AFF3: variants seen among roughly 807,000 people sequenced by gnomAD.
The protein encoded by AFF3 is AF4/FMR2 family member 3.
AFF3 carries 32 observed loss-of-function variants against 129.7 expected under a neutral mutation model. The observed-to-expected ratio is 0.25, with a 90% CI of 0.19 to 0.33. AFF3 has a LOEUF of 0.33. Among genes scored for constraint, AFF3 ranks in the 10% least tolerant of loss-of-function variants. The pLI is 1.00. For missense variants in AFF3, 1,373 were observed against 1,592.0 expected (o/e 0.86, Z 2.34); for synonymous variants, 644 against 635.4 (o/e 1.01, Z -0.20).
chr2:99,558,568 C>T (rs1208910041), intron 22 of AFF3, among the ~76,000 whole-genome samples: 3 of 151,920 alleles, frequency 2.0e-5, no homozygotes, highest in East Asian at 1.9e-4. Flanking sequence ...TGCAGTGAGC[C>T]GAGATCGCAC....
chr2:100,058,822 T>G (rs1297167777), intron 4 of AFF3, among the ~76,000 whole-genome samples: 1 of 152,148 alleles, frequency 6.6e-6, no homozygotes, highest in Non-Finnish European at 1.5e-5. Flanking sequence ...ATTAAAACCA[T>G]TATCAAGAAA....
At chr2:99,727,725 C>T (rs1679476354) in intron 10 of AFF3, among the ~76,000 whole-genome samples, 1 of 152,052 alleles carries the variant, frequency 6.6e-6, no homozygotes, top group African/African-American at 2.4e-5. Flanking sequence ...CCACACCTGG[C>T]TGATTTTTAT....
At chr2:99,614,859 T>C (rs375021002) in intron 13 of AFF3, among the ~76,000 whole-genome samples, 1 of 152,212 alleles carries the variant, frequency 6.6e-6, no homozygotes, top group African/African-American at 2.4e-5. Flanking sequence ...CTGGGTCATA[T>C]TGGGAACCAA....
At chr2:99,986,723 A>G (rs1171524905) in intron 7 of AFF3, among the ~76,000 whole-genome samples, 6 of 152,242 alleles carry the variant, frequency 3.9e-5, no homozygotes, top group African/African-American at 1.4e-4. Flanking sequence ...AAAAGTAGAA[A>G]AGGAAGATCA....
chr2:99,894,500 G>A (rs1323091128), intron 7 of AFF3, among the ~76,000 whole-genome samples: 4 of 149,396 alleles, frequency 2.7e-5, no homozygotes, highest in Admixed American at 6.7e-5. Context: ...ACGGAGTCTC[G>A]CTCTGTCGCC....
intron 12 of AFF3, among the ~76,000 whole-genome samples, chr2:99,660,258 A>G (rs1686112025): frequency 6.6e-6 from 1 of 152,242 alleles, no homozygotes; most frequent in Non-Finnish European, 1.5e-5. Context: ...TTTTTGTAGA[A>G]AGACCAGATG....
chr2:99,764,951 C>A (rs926392023), intron 8 of AFF3, among the ~76,000 whole-genome samples: 4 of 152,070 alleles, frequency 2.6e-5, no homozygotes, highest in African/African-American at 9.7e-5. Context: ...TTGAGGGGCA[C>A]TGAGAGAATT....
intron 7 of AFF3, among the ~76,000 whole-genome samples, chr2:99,983,079 A>C (rs543121542): frequency 3.2e-4 from 49 of 152,250 alleles, no homozygotes; most frequent in Non-Finnish European, 6.2e-4. Flanking sequence ...AGAACTATCC[A>C]GGTGTCTGTG....
At chr2:99,577,947 A>G (rs1463457330) in intron 18 of AFF3, among the ~76,000 whole-genome samples, 2 of 152,216 alleles carry the variant, frequency 1.3e-5, no homozygotes, top group Non-Finnish European at 2.9e-5. Context: ...GTAAAACACT[A>G]TTATTCATTG....
chr2:99,959,510 A>G (rs543727878), intron 7 of AFF3, among the ~76,000 whole-genome samples: 23 of 151,662 alleles, frequency 1.5e-4, no homozygotes, highest in Non-Finnish European at 2.8e-4. Flanking sequence ...AGGCATATTT[A>G]TACTTAAAAA....
intron 22 of AFF3, among the ~76,000 whole-genome samples, chr2:99,556,649 G>A (rs1314036478): frequency 2.6e-5 from 4 of 152,234 alleles, no homozygotes; most frequent in South Asian, 2.1e-4. Context: ...GAGGCTGGGT[G>A]TATGGCTCAC....
chr2:99,666,029 C>A (rs1478540247), intron 12 of AFF3, among the ~76,000 whole-genome samples: 2 of 152,132 alleles, frequency 1.3e-5, no homozygotes, highest in Non-Finnish European at 2.9e-5. Context: ...CTCTATGTAG[C>A]TCTGAGGAAA....
intron 7 of AFF3, among the ~76,000 whole-genome samples, chr2:99,983,755 G>A (rs1307631078): frequency 6.6e-6 from 1 of 152,142 alleles, no homozygotes; most frequent in East Asian, 1.9e-4. Flanking sequence ...ATTGGTCTGA[G>A]TTTAATCAAA....
intron 7 of AFF3, among the ~76,000 whole-genome samples, chr2:99,854,343 C>T (rs1469389566): frequency 1.3e-5 from 2 of 151,808 alleles, no homozygotes; most frequent in Non-Finnish European, 2.9e-5. Context: ...TTATGAAACA[C>T]TTTACCAAAA....
intron 7 of AFF3, among the ~76,000 whole-genome samples, chr2:99,960,980 T>A (rs1677161819): frequency 6.6e-6 from 1 of 152,216 alleles, no homozygotes; most frequent in Admixed American, 6.5e-5. Flanking sequence ...CCACAGGCAA[T>A]GCCCTTCCAC....
chr2:99,605,856 T>TA (rs1040416316), intron 13 of AFF3, among the ~76,000 whole-genome samples: 6 of 134,326 alleles, frequency 4.5e-5, no homozygotes, highest in African/African-American at 1.6e-4. Flanking sequence ...CTAATTTTTG[T>TA]ATTTTTTTTT....
chr2:99,567,452 G>A (rs186717236), intron 19 of AFF3, among the ~76,000 whole-genome samples: 1 of 152,314 alleles, frequency 6.6e-6, no homozygotes, highest in Admixed American at 6.5e-5. Flanking sequence ...AGTTCAAAGT[G>A]CAAGGCAGTC....
At chr2:99,968,392 A>G (rs1678000374) in intron 7 of AFF3, among the ~76,000 whole-genome samples, 1 of 152,170 alleles carries the variant, frequency 6.6e-6, no homozygotes, top group Non-Finnish European at 1.5e-5. Context: ...TCCCCAAACC[A>G]TAAGCATCTA....
chr2:99,620,735 T>C (rs1200956044), intron 13 of AFF3, among the ~76,000 whole-genome samples: 2 of 151,880 alleles, frequency 1.3e-5, no homozygotes, highest in African/African-American at 2.4e-5. Flanking sequence ...TAGTGGGAGG[T>C]GTTTGGGTCA....
Sources: allele counts gnomAD v4.1 joint callset (sites outside exome capture counted in the v4.1 genomes callset), GRCh38; gene constraint gnomAD v4.1.1; transcripts MANE v1.5; gene names NCBI Gene and HGNC (gene_info 2026-07-23, HGNC 2026-07-21).